LSS: variants seen among roughly 807,000 people sequenced by gnomAD.
LSS encodes lanosterol synthase, also known as 2,3-epoxysqualene-lanosterol cyclase.
Under a neutral mutation model 110.3 loss-of-function variants are expected in LSS, and 90 were observed. The observed-to-expected ratio is 0.82, with a 90% CI of 0.69 to 0.97. The LOEUF is 0.97. Ranked by LOEUF, LSS falls within the 50% of genes least tolerant of loss-of-function variation. The pLI, the probability that LSS is intolerant of heterozygous loss-of-function variation, is 0.00. For missense variants in LSS, 927 were observed against 990.0 expected (o/e 0.94, Z 0.85); for synonymous variants, 433 against 400.0 (o/e 1.08, Z -0.98).
At chr21:46,191,827 T>C (rs2079819639) in intron 21 of LSS, 54 bp downstream of exon 21, 6 of 1,462,178 alleles carry the variant, frequency 4.1e-6, no homozygotes, top group Non-Finnish European at 5.7e-6. Context: ...GAAACAGCCA[T>C]GCACGCTGGA....
chr21:46,199,546 G>A (rs143675021), intron 17 of LSS, among the ~76,000 whole-genome samples: 5 of 152,302 alleles, frequency 3.3e-5, no homozygotes, highest in East Asian at 3.9e-4. Flanking sequence ...TTATGTGCAC[G>A]CTAACATTGA....
chr21:46,210,520 C>T (rs1182209919), intron 12 of LSS, among the ~76,000 whole-genome samples, 168 bp downstream of exon 12: 3 of 152,148 alleles, frequency 2.0e-5, no homozygotes, highest in Non-Finnish European at 1.5e-5. Context: ...TGGCCAAGGC[C>T]GCCCCCTCCA....
chr21:46,192,941 G>A (rs1417366194), intron 20 of LSS: 14 of 370,420 alleles, frequency 3.8e-5, no homozygotes, highest in African/African-American at 2.9e-4. Context: ...CTCCATGTAC[G>A]TATGTCTGTG....
rs377016169 is a variant in LSS, at chr21:46,206,714, C to A, written c.1522G>T (p.Gly508Trp). 6.8e-6 allele frequency: 11 copies of A among 1,613,134 alleles called. No individual in the cohort carries two copies. The highest frequency in any genetic ancestry group is 2.7e-5 in the African/African-American group (2 of 75,040). Residue 508 changes from glycine (G) to tryptophan (W), a missense_variant, in exon 16 of 22, where the codon GGG becomes TGG. Transcript: ENST00000397728. ...TTCAGCAGCTCCAGCAAGTGCCCCC[C>A]ACGCTTGGTCTCATAGGTGGCGAAC... ...GGFATYETKR[G>W]GHLLELLNPS...
rs777398025 is a variant in LSS, at chr21:46,195,662, AG to A, written c.1817+13del. The A allele has an allele frequency of 1.2e-6, 2 of 1,612,220 alleles. No individual in the cohort carries two copies. Among genetic ancestry groups the A allele is most frequent in the Non-Finnish European group, 1.7e-6 (2 of 1,178,476 alleles). Reference sequence around the variant, plus strand: ...TGAGAACCCCCACCCACCAGAGGACAGGCACTCACTCACCCATCTCGGTAGG... The same window carrying A: ...TGAGAACCCCCACCCACCAGAGGACAGCACTCACTCACCCATCTCGGTAGG... On this transcript the variant is annotated intron_variant, in intron 19 of 21. Coordinates refer to ENST00000397728, the MANE Select transcript of LSS (RefSeq NM_002340.6).
intron 3 of LSS, 36 bp from the exon 4 acceptor site, chr21:46,222,774 G>T: frequency 6.5e-7 from 1 of 1,528,890 alleles, no homozygotes; most frequent in Non-Finnish European, 9.0e-7. Context: ...ACTGGGGACA[G>T]GTGGTCATGA....
Position 46,209,402 on chromosome 21 carries a change from G to T in LSS, c.1266+152C>A. The T allele has an allele frequency of 1.4e-6, 1 of 691,864 alleles. No homozygotes were observed. The highest frequency in any genetic ancestry group is 2.4e-6 in the Non-Finnish European group (1 of 419,914). 42.9% of individuals were successfully genotyped at this position (691,864 alleles called of 1,614,324 possible). On this transcript the variant is annotated intron_variant, in intron 13 of 21. Transcript: ENST00000397728. This position sits in a 1 kb window ranked among gnomAD's most constrained non-coding sequence, Gnocchi z 4.4. Reference sequence around the variant, plus strand: ...GAGGAGGACCGGTGGATGGAGCAGGGGCTAGGGAGGGGATGGGAGGGTGGG... The same window carrying T: ...GAGGAGGACCGGTGGATGGAGCAGGTGCTAGGGAGGGGATGGGAGGGTGGG...
rs749236200 is a variant in LSS at position 46,188,558 on chromosome 21, G to A, written c.*2546C>T. On this transcript the variant is annotated 3_prime_UTR_variant, in exon 22 of 22. Coordinates refer to ENST00000397728, the MANE Select transcript of LSS (RefSeq NM_002340.6). ...GGTGTCCTTTGTCAAGAGCATGTCAGGGTGATGAGTCATCTGGGACAGGTC... is the reference window on the plus strand; with the variant it reads ...GGTGTCCTTTGTCAAGAGCATGTCAAGGTGATGAGTCATCTGGGACAGGTC... The A allele has an allele frequency of 7.0e-5, 32 of 459,478 alleles. No homozygotes were observed. Among genetic ancestry groups the A allele is most frequent in the Non-Finnish European group, 1.2e-4 (27 of 222,354 alleles). The allele number at this position is 459,478 out of a possible 1,614,324, so 28.5% of individuals were successfully genotyped here. A position where few individuals can be genotyped will look rare whatever the true frequency, so the allele number is the denominator to read the frequency against.
chr21:46,192,370 C>T, intron 20 of LSS: 1 of 413,730 alleles, frequency 2.4e-6, no homozygotes, highest in South Asian at 1.8e-5. Context: ...AACTGTGGGT[C>T]CCTGACTGTC....
At chr21:46,202,691 C>T (rs890938066) in intron 17 of LSS, among the ~76,000 whole-genome samples, 1 of 151,704 alleles carries the variant, frequency 6.6e-6, no homozygotes, top group African/African-American at 2.4e-5. Flanking sequence ...CAAGACCAGC[C>T]TGAGCAACAT....
At chr21:46,208,396 G>T in intron 13 of LSS, 95 bp from the exon 14 acceptor site, 1 of 1,145,522 alleles carries the variant, frequency 8.7e-7, no homozygotes, top group Non-Finnish European at 1.3e-6. Context: ...GGCAGGACTG[G>T]AGAGGCAGAA....
In LSS at chr21:46,216,673, T is replaced by A. The variant is rs1186542011; in HGVS notation, c.648-149A>T. 9.4e-7 allele frequency: 1 copy of A among 1,068,404 alleles called. No individual in the cohort carries two copies. Among genetic ancestry groups the A allele is most frequent in the East Asian group, 2.7e-5 (1 of 37,666 alleles). The allele number at this position is 1,068,404 out of a possible 1,614,324, so 66.2% of individuals were successfully genotyped here. On this transcript the variant is annotated intron_variant, in intron 6 of 21. Coordinates refer to ENST00000397728, the MANE Select transcript of LSS (RefSeq NM_002340.6). The surrounding 1 kb of genome is among the most constrained non-coding windows in gnomAD (Gnocchi z 4.2). ...TGCATCTGCGGGCATTTCCCAACCG[T>A]GCTCCTGAGGGGCACAGTTGAACCA...
intron 19 of LSS, 141 bp downstream of exon 19, chr21:46,195,535 C>G: frequency 1.3e-6 from 1 of 789,408 alleles, no homozygotes; most frequent in Non-Finnish European, 2.1e-6. Context: ...GCATGTCAGC[C>G]CGGTTGACAG....
Position 46,209,665 on chromosome 21 carries a change from G to C in LSS, c.1195-40C>G. On this transcript the variant is annotated intron_variant, in intron 12 of 21. Transcript: ENST00000397728. The surrounding 1 kb of genome is among the most constrained non-coding windows in gnomAD (Gnocchi z 4.4). Reference sequence around the variant, plus strand: ...AGGACAGAGAGGCTCAGCTGCCCTTGCACGGCCAGCATGGCTGCGCTGGTT... The same window carrying C: ...AGGACAGAGAGGCTCAGCTGCCCTTCCACGGCCAGCATGGCTGCGCTGGTT... 1 of 1,561,230 alleles carries C rather than the reference G, an allele frequency of 6.4e-7. No individual in the cohort carries two copies. Among genetic ancestry groups the C allele is most frequent in the Non-Finnish European group, 8.8e-7 (1 of 1,142,448 alleles).
rs536850206 is a variant in LSS at position 46,215,054 on chromosome 21, C to T, written c.1011+126G>A. On this transcript the variant is annotated intron_variant, in intron 9 of 21. Transcript: ENST00000397728. ...GACACTTGTGCGATCAGAGGGCCACCTCCCAAATGGAGGTACACCAGGCTC... is the reference window on the plus strand; with the variant it reads ...GACACTTGTGCGATCAGAGGGCCACTTCCCAAATGGAGGTACACCAGGCTC... 2.0e-4 allele frequency: 150 copies of T among 766,972 alleles called. 4 individuals are homozygous for T. The South Asian group carries it at 2.2e-3, about 11-fold the overall frequency. 47.5% of individuals were successfully genotyped at this position (766,972 alleles called of 1,614,324 possible).
intron 12 of LSS, 54 bp downstream of exon 12, chr21:46,210,634 C>G (rs1308542696): frequency 6.4e-7 from 1 of 1,572,584 alleles, no homozygotes; most frequent in African/African-American, 1.3e-5. Flanking sequence ...GATGCGTGGG[C>G]TCACGTGCAC....
intron 11 of LSS, 95 bp from the exon 12 acceptor site, chr21:46,210,839 T>A: frequency 1.7e-6 from 2 of 1,197,150 alleles, no homozygotes; most frequent in East Asian, 2.4e-5. Flanking sequence ...GGGCCAGGTG[T>A]GGGGGCTCCC....
chr21:46,207,651 C>G (rs1208800827), intron 14 of LSS, 74 bp from the exon 15 acceptor site: 5 of 1,498,342 alleles, frequency 3.3e-6, no homozygotes, highest in Middle Eastern at 1.7e-4. Flanking sequence ...CACAGCCGCA[C>G]GCATCCCTCC....
chr21:46,207,509 C>T lies in LSS; in HGVS notation c.1386G>A (p.Lys462=), dbSNP rs2080068446. The change falls in exon 15 of 22, where the codon AAG becomes AAA. Residue 462 remains lysine (K), a synonymous_variant. Transcript: ENST00000397728. ...ACTTCTCCTGCAGGAGCAGCACAGC[C>T]TTCAAGGCCTCAGCCGTGCAGTCAG... The part of the protein sequence containing the change: ...IVSDCTAEAL[K]AVLLLQEKCP... The T allele has an allele frequency of 3.7e-6, 6 of 1,612,384 alleles. No individual in the cohort carries two copies. The highest frequency in any genetic ancestry group is 2.7e-5 in the African/African-American group (2 of 75,060).
Sources: gnomAD v4.1 joint callset for allele counts (sites outside exome capture counted in the v4.1 genomes callset) on GRCh38, gnomAD v4.1.1 for gene constraint, Gnocchi (gnomAD v3.1) non-coding constraint, MANE v1.5 for transcripts, NCBI Gene and HGNC (gene_info 2026-07-23, HGNC 2026-07-21) for gene names.